EXOC6B: variants seen among roughly 807,000 people sequenced by gnomAD.
EXOC6B encodes the protein exocyst complex component 6B, also known as SEC15 homolog B.
A neutral mutation model predicts 113.5 loss-of-function variants in EXOC6B; 54 were observed. That is an observed-to-expected ratio of 0.48 (90% confidence interval 0.38 to 0.60). EXOC6B has a LOEUF of 0.60. Ranked by LOEUF, EXOC6B falls within the 20% of genes least tolerant of loss-of-function variation. The pLI is 0.00. For synonymous variants in EXOC6B, 357 were observed against 339.0 expected (o/e 1.05, Z -0.58); for missense variants, 797 against 977.5 (o/e 0.82, Z 2.46).
At chr2:72,430,771 T>C (rs1222899180) in intron 18 of EXOC6B, among the ~76,000 whole-genome samples, 1 of 152,204 alleles carries the variant, frequency 6.6e-6, no homozygotes, top group African/African-American at 2.4e-5. Context: ...ATAAATAACC[T>C]TGATTAAAGG....
At chr2:72,728,242 G>A (rs971873144) in intron 5 of EXOC6B, among the ~76,000 whole-genome samples, 1 of 152,094 alleles carries the variant, frequency 6.6e-6, no homozygotes, top group African/African-American at 2.4e-5. Flanking sequence ...CAACAGAATT[G>A]GCATCACCTA....
intron 8 of EXOC6B, among the ~76,000 whole-genome samples, chr2:72,554,877 G>C (rs1422570369): frequency 6.9e-6 from 1 of 144,796 alleles, no homozygotes; most frequent in Non-Finnish European, 1.5e-5. Context: ...TTTACATTAG[G>C]TATTTCTCCT....
intron 19 of EXOC6B, among the ~76,000 whole-genome samples, chr2:72,342,719 A>C (rs577583483): frequency 2.0e-5 from 3 of 152,288 alleles, no homozygotes; most frequent in East Asian, 3.9e-4. Context: ...GGACTGCTTG[A>C]GGCCAAGACC....
At position 72,731,211 on chromosome 2, in the gene EXOC6B, C is replaced by T. The variant is rs567934007; in HGVS notation, c.362G>A (p.Arg121Gln). Residue 121 changes from arginine (R) to glutamine (Q), a missense_variant, in exon 4 of 22, where the codon CGA (arginine) becomes CAA (glutamine). By Grantham distance (43) the Arg-to-Gln change is conservative. Transcript: ENST00000272427. Reference protein sequence around the residue: ...VIAMEELKQCRLQQRNISATV... With the variant: ...VIAMEELKQCQLQQRNISATV... ...GGCAGAAATATTTCTCTGTTGTAGT[C>T]GACACTGCTTCAGCTCTTCCATTGC... The T allele has an allele frequency of 1.2e-6, 2 of 1,613,248 alleles. No homozygotes were observed. The highest frequency in any genetic ancestry group is 1.7e-6 in the Non-Finnish European group (2 of 1,179,630).
intron 20 of EXOC6B, among the ~76,000 whole-genome samples, chr2:72,257,852 G>C (rs966343763): frequency 4.6e-5 from 7 of 152,140 alleles, no homozygotes; most frequent in Admixed American, 4.6e-4. Context: ...CATGGTCCCA[G>C]ACAGTTTTCT....
At chr2:72,376,385 T>G (rs1691357577) in intron 19 of EXOC6B, among the ~76,000 whole-genome samples, 1 of 152,218 alleles carries the variant, frequency 6.6e-6, no homozygotes, top group Non-Finnish European at 1.5e-5. Context: ...TTTACAGATA[T>G]TCTACTGCCT....
intron 16 of EXOC6B, among the ~76,000 whole-genome samples, chr2:72,486,957 G>T (rs1699457355): frequency 6.6e-6 from 1 of 151,400 alleles, no homozygotes; most frequent in East Asian, 1.9e-4. Flanking sequence ...TTTCCTGAAA[G>T]AGCTGTCTTA....
chr2:72,273,302 T>C (rs948800209), intron 20 of EXOC6B, among the ~76,000 whole-genome samples: 2 of 152,244 alleles, frequency 1.3e-5, no homozygotes, highest in African/African-American at 4.8e-5. Flanking sequence ...GTTTACTTAT[T>C]TGTTTGTTCA....
chr2:72,217,118 C>T (rs1680590650), intron 20 of EXOC6B, among the ~76,000 whole-genome samples: 1 of 151,950 alleles, frequency 6.6e-6, no homozygotes, highest in Non-Finnish European at 1.5e-5. Context: ...TTTTGTAGCC[C>T]AATTTTGTGA....
At chr2:72,701,112 G>A (rs1287500889) in intron 6 of EXOC6B, among the ~76,000 whole-genome samples, 2 of 151,986 alleles carry the variant, frequency 1.3e-5, no homozygotes, top group African/African-American at 4.8e-5. Context: ...GGGAGGCTGA[G>A]GAAGGTGGAT....
At chr2:72,701,030 C>T (rs1678292546) in intron 6 of EXOC6B, among the ~76,000 whole-genome samples, 1 of 151,974 alleles carries the variant, frequency 6.6e-6, no homozygotes. Context: ...GAGCGGTGTT[C>T]ACTGGAGGAG....
chr2:72,708,208 A>C (rs997704547), intron 6 of EXOC6B, among the ~76,000 whole-genome samples: 11 of 152,210 alleles, frequency 7.2e-5, no homozygotes, highest in African/African-American at 2.7e-4. Context: ...AAGGAAAGGC[A>C]AACATATAAA....
chr2:72,730,345 T>G (rs1035468434), intron 5 of EXOC6B, among the ~76,000 whole-genome samples: 1 of 152,148 alleles, frequency 6.6e-6, no homozygotes. Flanking sequence ...ATAATGTGAG[T>G]AGGCCTCATT....
At chr2:72,715,905 C>T (rs768244850) in intron 6 of EXOC6B, among the ~76,000 whole-genome samples, 13 of 152,018 alleles carry the variant, frequency 8.6e-5, no homozygotes, top group Non-Finnish European at 1.8e-4. Context: ...GGCCATTGGA[C>T]TGTTGCCCCC....
intron 8 of EXOC6B, among the ~76,000 whole-genome samples, chr2:72,557,189 T>C (rs1465038743): frequency 6.6e-6 from 1 of 150,500 alleles, no homozygotes; most frequent in Non-Finnish European, 1.5e-5. Flanking sequence ...TCTATGACCA[T>C]ATATTACATA....
At chr2:72,554,910 C>G (rs1361791508) in intron 8 of EXOC6B, among the ~76,000 whole-genome samples, 1 of 152,124 alleles carries the variant, frequency 6.6e-6, no homozygotes, top group Non-Finnish European at 1.5e-5. Context: ...CCCCCAGACC[C>G]CCAACCCCTG....
At chr2:72,404,953 A>C (rs1010000823) in intron 18 of EXOC6B, among the ~76,000 whole-genome samples, 18 of 151,894 alleles carry the variant, frequency 1.2e-4, no homozygotes, top group African/African-American at 4.4e-4. Flanking sequence ...GAAGTTAAAA[A>C]CCTTGAAAAA....
intron 6 of EXOC6B, among the ~76,000 whole-genome samples, chr2:72,609,003 C>G (rs904860041): frequency 2.6e-5 from 4 of 152,052 alleles, no homozygotes; most frequent in African/African-American, 9.7e-5. Flanking sequence ...GGACTGGAAT[C>G]TAGATGAGTC....
intron 19 of EXOC6B, among the ~76,000 whole-genome samples, chr2:72,370,267 A>G (rs1201234213): frequency 1.3e-5 from 2 of 152,240 alleles, no homozygotes; most frequent in Non-Finnish European, 2.9e-5. Flanking sequence ...AAAAATGCTC[A>G]TCATCACTAG....
Sources: allele counts gnomAD v4.1 joint callset (sites outside exome capture counted in the v4.1 genomes callset), GRCh38; gene constraint gnomAD v4.1.1; transcripts MANE v1.5; gene names NCBI Gene and HGNC (gene_info 2026-07-23, HGNC 2026-07-21).